Variants in AP1G1 observed in about 807,000 individuals in gnomAD.
AP1G1 encodes the protein AP-1 complex subunit gamma-1.
A neutral mutation model predicts 108.3 loss-of-function variants in AP1G1; 7 were observed. The ratio of observed to expected loss-of-function variants is 0.06; its 90% confidence interval spans 0.04 to 0.12. The LOEUF is 0.12. AP1G1 is among the 10% of genes least tolerant of loss of function. AP1G1 has a pLI of 1.00. For synonymous variants in AP1G1, 379 were observed against 353.5 expected (o/e 1.07, Z -0.81); for missense variants, 756 against 1,010.7 (o/e 0.75, Z 3.42).
chr16:71,808,469 AG>A (rs2033078240), intron 1 of AP1G1: 2 of 1,223,330 alleles, frequency 1.6e-6, no homozygotes, highest in South Asian at 2.7e-5. Context: ...CAAAGATCGC[AG>A]CCTGAGAAAG....
intron 12 of AP1G1, 39 bp from the exon 13 acceptor site, chr16:71,753,926 A>T: frequency 6.3e-7 from 1 of 1,586,522 alleles, no homozygotes. Context: ...GGAACCAGTA[A>T]AATATACCGT....
At position 71,772,017 on chromosome 16, in the gene AP1G1, A is replaced by G. The variant is rs112209431; in HGVS notation, c.469-765T>C. ...TTTTTGTATATCCCCCAAAGTAACT[A>G]TAACTACTATATGTTTGAGTCAAAT... On this transcript the variant is annotated intron_variant, in intron 4 of 22. Transcript: ENST00000299980. Among the ~76,000 whole-genome samples the G allele has an allele frequency of 2.6e-3, 398 of 152,342 alleles. 2 individuals are homozygous for G. Among genetic ancestry groups the G allele is most frequent in the African/African-American group, 9.1e-3 (377 of 41,590 alleles).
At chr16:71,778,003 G>T (rs1361800321) in intron 2 of AP1G1, among the ~76,000 whole-genome samples, 1 of 152,192 alleles carries the variant, frequency 6.6e-6, no homozygotes, top group East Asian at 1.9e-4. Context: ...AGTCACCAGT[G>T]ACTGACGAAT....
chr16:71,782,802 A>G (rs1456454032), intron 2 of AP1G1, among the ~76,000 whole-genome samples: 2 of 152,000 alleles, frequency 1.3e-5, no homozygotes, highest in African/African-American at 4.8e-5. Context: ...TATTCTTATT[A>G]ATACTCAAAT....
intron 12 of AP1G1, 36 bp from the exon 13 acceptor site, chr16:71,753,923 G>C: frequency 6.3e-7 from 1 of 1,591,938 alleles, no homozygotes. Flanking sequence ...CTTGGAACCA[G>C]TAAAATATAC....
intron 1 of AP1G1, among the ~76,000 whole-genome samples, chr16:71,803,280 TTCC>T (rs1051358214): frequency 1.3e-5 from 2 of 152,180 alleles, no homozygotes; most frequent in African/African-American, 4.8e-5. Context: ...CATGTATTTT[TTCC>T]TCATCTTTTA....
rs1205959395 is a variant in AP1G1 at position 71,756,066 on chromosome 16, T to C, written c.1182A>G (p.Pro394=). The C allele has an allele frequency of 2.5e-6, 4 of 1,613,282 alleles. No homozygotes were observed. In the Admixed American group the frequency reaches 5.0e-5, roughly 20 times the overall value. ...ELLYFLDSCE[P]EFKADCASGI... is the part of the protein sequence containing the mutation. ...CAGATGCACAGTCTGCTTTAAATTC[T>C]GGCTCACACGAATCCAGAAAATAAA... Residue 394 remains proline, a synonymous_variant, in exon 12 of 23, where the codon CCA becomes CCG. Coordinates refer to ENST00000299980, the MANE Select transcript of AP1G1 (RefSeq NM_001128.6).
intron 1 of AP1G1, among the ~76,000 whole-genome samples, chr16:71,799,683 G>A (rs2032713885): frequency 6.7e-6 from 1 of 149,056 alleles, no homozygotes; most frequent in African/African-American, 2.5e-5. Flanking sequence ...GGCGGATCAT[G>A]AAGTCAGGAG....
chr16:71,754,512 G>A (rs1369381405), intron 12 of AP1G1, among the ~76,000 whole-genome samples: 1 of 152,172 alleles, frequency 6.6e-6, no homozygotes, highest in African/African-American at 2.4e-5. Flanking sequence ...AAGGTATACA[G>A]TCAACTGACT....
intron 2 of AP1G1, among the ~76,000 whole-genome samples, chr16:71,783,065 C>G (rs1351768339): frequency 6.6e-6 from 1 of 152,046 alleles, no homozygotes; most frequent in Non-Finnish European, 1.5e-5. Flanking sequence ...AGGAATAGTA[C>G]TAGCTTAAGT....
chr16:71,758,974 T>C, intron 10 of AP1G1, 53 bp from the exon 11 acceptor site: 2 of 989,900 alleles, frequency 2.0e-6, no homozygotes, highest in Middle Eastern at 2.1e-4. Flanking sequence ...TTCAGGATAG[T>C]TTTTCTCCGT....
At chr16:71,749,195 G>C (rs529291447) in intron 15 of AP1G1, among the ~76,000 whole-genome samples, 13 of 152,114 alleles carry the variant, frequency 8.5e-5, no homozygotes, top group Admixed American at 3.9e-4. Context: ...GGGATTACAG[G>C]CATGAGCCAC....
intron 19 of AP1G1, among the ~76,000 whole-genome samples, chr16:71,741,652 GC>G (rs2045623344): frequency 6.6e-6 from 1 of 152,136 alleles, no homozygotes; most frequent in Non-Finnish European, 1.5e-5. Flanking sequence ...GGCTAAGCAA[GC>G]ACGAGAAGCT....
chr16:71,745,905 A>G (rs1246140698), intron 17 of AP1G1, among the ~76,000 whole-genome samples: 1 of 152,258 alleles, frequency 6.6e-6, no homozygotes, highest in Non-Finnish European at 1.5e-5. Flanking sequence ...AGGTATTAAC[A>G]GTCAAGAAGA....
rs2033050307 is a variant in AP1G1, at chr16:71,807,904, A to G, written c.-4+859T>C. On this transcript the variant is annotated intron_variant, in intron 1 of 22. Transcript: ENST00000299980. ...AAGTGTCAGTAAGCACCAAAAAGCT[A>G]AGTATTCAGCACAGGGAGGGAATCC... 2.3e-6 allele frequency: 3 copies of G among 1,284,204 alleles called. No individual in the cohort carries two copies. In the South Asian group the frequency reaches 3.7e-5, roughly 16 times the overall value. The allele number at this position is 1,284,204 out of a possible 1,614,324, so 79.6% of individuals were successfully genotyped here. A position where few individuals can be genotyped will look rare whatever the true frequency, so the allele number is the denominator to read the frequency against.
In AP1G1 at chr16:71,771,267, AT is replaced by A; in HGVS notation, c.469-16del. ...CACAGTGCTGCCTATGAAAAAAAAA[AT>A]AAAAGAACAAAAGGTTTATTTCAAT... On this transcript the variant is annotated splice_polypyrimidine_tract_variant and intron_variant, in intron 4 of 22. Coordinates refer to ENST00000299980, the MANE Select transcript of AP1G1 (RefSeq NM_001128.6). 1.4e-6 allele frequency: 2 copies of A among 1,469,318 alleles called. No homozygotes were observed. The highest frequency in any genetic ancestry group is 1.3e-5 in the South Asian group (1 of 77,950). The allele number at this position is 1,469,318 out of a possible 1,614,324, so 91.0% of individuals were successfully genotyped here.
chr16:71,754,472 G>A (rs1392918773), intron 12 of AP1G1, among the ~76,000 whole-genome samples: 1 of 152,128 alleles, frequency 6.6e-6, no homozygotes, highest in East Asian at 1.9e-4. Flanking sequence ...TTCAAATCTA[G>A]CAGCAAATGC....
At chr16:71,806,128 G>T (rs902235350) in intron 1 of AP1G1, among the ~76,000 whole-genome samples, 47 of 152,098 alleles carry the variant, frequency 3.1e-4, no homozygotes, top group African/African-American at 1.1e-3. Flanking sequence ...AAACACTGGG[G>T]TGAAATATCA....
At chr16:71,767,600 G>A (rs1191250183) in intron 6 of AP1G1, among the ~76,000 whole-genome samples, 1 of 152,060 alleles carries the variant, frequency 6.6e-6, no homozygotes, top group Non-Finnish European at 1.5e-5. Context: ...ACTGCTCAAA[G>A]TTTCTCAAGT....
Sources: gnomAD v4.1 joint callset for allele counts (sites outside exome capture counted in the v4.1 genomes callset) on GRCh38, gnomAD v4.1.1 for gene constraint, MANE v1.5 for transcripts, NCBI Gene and HGNC (gene_info 2026-07-23, HGNC 2026-07-21) for gene names.